Variants in PPP1R9A observed in about 807,000 individuals in gnomAD.
PPP1R9A encodes the protein protein phosphatase 1 regulatory subunit 9A, also known as neurabin-1.
PPP1R9A carries 59 observed loss-of-function variants against 141.9 expected under a neutral mutation model. The ratio of observed to expected loss-of-function variants is 0.42; its 90% CI spans 0.34 to 0.52. The LOEUF (loss-of-function observed/expected upper bound fraction) is 0.52. Among genes scored for constraint, PPP1R9A ranks in the 20% least tolerant of loss-of-function variants. The pLI is 0.10. For missense variants in PPP1R9A, 1,444 were observed against 1,611.9 expected, an observed-to-expected ratio of 0.90 and a Z score of 1.78; for synonymous variants, 500 against 569.7, an observed-to-expected ratio of 0.88 and a Z score of 1.74.
chr7:95,072,923 TA>T (rs1418822274), intron 2 of PPP1R9A, among the ~76,000 whole-genome samples: 3 of 125,452 alleles, frequency 2.4e-5, no homozygotes, highest in African/African-American at 9.2e-5. Context: ...ATATATTATA[TA>T]TTGCATATAT....
At position 95,294,294 on chromosome 7, in the gene PPP1R9A, T is replaced by TTC. The variant is rs1437583098; in HGVS notation, c.*3993_*3994dup. 1 of 148,966 alleles carries TTC rather than the reference T, an allele frequency of 6.7e-6. No individual in the cohort carries two copies. The highest frequency in any genetic ancestry group is 1.5e-5 in the Non-Finnish European group (1 of 67,434). 9.2% of individuals were successfully genotyped at this position (148,966 alleles called of 1,614,324 possible). ...TTTTCTTTTCTTTTTTTTTTTTTTTTTCTGTCATCTGTCACCCAGACTGGA... is the reference window on the plus strand; with the variant it reads ...TTTTCTTTTCTTTTTTTTTTTTTTTTTCTCTGTCATCTGTCACCCAGACTGGA... On this transcript the variant is annotated 3_prime_UTR_variant, in exon 20 of 20. Coordinates refer to ENST00000433360, the MANE Select transcript of PPP1R9A (RefSeq NM_001166160.2).
intron 2 of PPP1R9A, among the ~76,000 whole-genome samples, chr7:95,079,116 T>A (rs1480685149): frequency 6.6e-6 from 1 of 152,222 alleles, no homozygotes. Context: ...TGGTTTTAGG[T>A]CTAACGTTTA....
At chr7:95,181,781 A>ACATATATATAGAATATATATATATTCCAT (rs1833889650) in intron 5 of PPP1R9A, among the ~76,000 whole-genome samples, 1 of 138,710 alleles carries the variant, frequency 7.2e-6, no homozygotes, top group African/African-American at 2.8e-5. Flanking sequence ...ATATTCCGTC[A>ACATATATATAGAATATATATATATTCCAT]CATATATATA....
intron 1 of PPP1R9A, 113 bp from the exon 2 acceptor site, chr7:94,909,785 C>A: frequency 6.1e-6 from 1 of 162,886 alleles, no homozygotes; most frequent in Non-Finnish European, 1.3e-5. Flanking sequence ...AATGAGTAAT[C>A]TCTTCTGTTT....
At chr7:95,125,003 C>T (rs980233139) in intron 4 of PPP1R9A, among the ~76,000 whole-genome samples, 1 of 152,098 alleles carries the variant, frequency 6.6e-6, no homozygotes. Flanking sequence ...TTTGACCCTT[C>T]CTTATTCTTT....
intron 7 of PPP1R9A, among the ~76,000 whole-genome samples, chr7:95,209,674 T>A (rs1414114319): frequency 6.6e-6 from 1 of 152,204 alleles, no homozygotes; most frequent in African/African-American, 2.4e-5. Context: ...CCAATGACAT[T>A]TGTGTTGGTT....
At chr7:94,959,757 A>G (rs1484684888) in intron 2 of PPP1R9A, among the ~76,000 whole-genome samples, 2 of 151,858 alleles carry the variant, frequency 1.3e-5, no homozygotes, top group East Asian at 3.9e-4. Context: ...CTAATAGGTC[A>G]TATTCTCTTA....
At chr7:94,937,066 C>A (rs945065700) in intron 2 of PPP1R9A, among the ~76,000 whole-genome samples, 2 of 151,988 alleles carry the variant, frequency 1.3e-5, no homozygotes, top group African/African-American at 4.8e-5. Flanking sequence ...TATAAATGTG[C>A]CCTAACTTAT....
chr7:94,933,640 A>G lies in PPP1R9A; in HGVS notation c.1395+22132A>G, dbSNP rs186074396. 2.0e-5 allele frequency among the ~76,000 whole-genome samples: 3 copies of G among 152,210 alleles called. No individual in the cohort carries two copies. The South Asian group carries it at 6.2e-4, about 32-fold the overall frequency. ...GGGACATTATCATTTTGATGATGAT[A>G]ATAAAATAGATAACATTCACCATAC... On this transcript the variant is annotated intron_variant, in intron 2 of 19. Coordinates refer to ENST00000433360, the MANE Select transcript of PPP1R9A (RefSeq NM_001166160.2).
At chr7:95,146,004 G>A (rs186378612) in intron 4 of PPP1R9A, among the ~76,000 whole-genome samples, 1 of 152,016 alleles carries the variant, frequency 6.6e-6, no homozygotes, top group Admixed American at 6.6e-5. Flanking sequence ...ATATCCTTTG[G>A]GTATATACCA....
rs1799089578 is a variant in PPP1R9A, at chr7:95,252,892, A to G, written c.2665+762A>G. Among the ~76,000 whole-genome samples, 3 of 152,306 alleles carry G rather than the reference A, an allele frequency of 2.0e-5. No homozygotes were observed. The South Asian group carries it at 6.2e-4, about 32-fold the overall frequency. ...GTCCATATAGTTTTGTGCTTTTACC[A>G]TGGTGTACTGTGTATACTTCTTAGG... On this transcript the variant is annotated intron_variant, in intron 12 of 19. Transcript: ENST00000433360.
rs567905917 is a variant in PPP1R9A, at chr7:95,046,248, T to G, written c.1396-65011T>G. 5.5e-4 allele frequency among the ~76,000 whole-genome samples: 83 copies of G among 152,200 alleles called. 1 individual carries two copies. Among genetic ancestry groups the G allele is most frequent in the African/African-American group, 1.9e-3 (80 of 41,534 alleles). On this transcript the variant is annotated intron_variant, in intron 2 of 19. Transcript: ENST00000433360. ...AGTATGTGCCACCACGCCTGGCTAA[T>G]TTTTGTATTTTTAGTACAGATGGGG... is the stretch of plus-strand genomic sequence containing the variant.
intron 2 of PPP1R9A, among the ~76,000 whole-genome samples, chr7:95,042,839 AT>A (rs1329359544): frequency 1.3e-5 from 2 of 152,132 alleles, no homozygotes; most frequent in African/African-American, 4.8e-5. Context: ...TAATCCACAC[AT>A]TGAAATAAAC....
At chr7:95,182,624 T>C (rs1834024804) in intron 5 of PPP1R9A, among the ~76,000 whole-genome samples, 1 of 152,212 alleles carries the variant, frequency 6.6e-6, no homozygotes, top group Non-Finnish European at 1.5e-5. Context: ...AAGTGTTATA[T>C]GCAGTGGAGG....
At chr7:95,215,897 A>G (rs1793290510) in intron 7 of PPP1R9A, among the ~76,000 whole-genome samples, 1 of 152,160 alleles carries the variant, frequency 6.6e-6, no homozygotes, top group Non-Finnish European at 1.5e-5. Flanking sequence ...AGTAGATTGC[A>G]AAAATTTTCT....
chr7:95,099,517 T>G (rs1196686481), intron 2 of PPP1R9A, among the ~76,000 whole-genome samples: 1 of 152,214 alleles, frequency 6.6e-6, no homozygotes, highest in Non-Finnish European at 1.5e-5. Flanking sequence ...AATTTCCCAG[T>G]TCTCTGTTAA....
intron 7 of PPP1R9A, among the ~76,000 whole-genome samples, chr7:95,218,898 C>T (rs1427858077): frequency 2.0e-5 from 3 of 152,170 alleles, no homozygotes; most frequent in African/African-American, 7.2e-5. Flanking sequence ...ATACAGCACA[C>T]TGATGGGTCT....
chr7:94,954,926 A>G (rs944606050), intron 2 of PPP1R9A, among the ~76,000 whole-genome samples: 62 of 151,778 alleles, frequency 4.1e-4, no homozygotes, highest in African/African-American at 1.4e-3. Context: ...GTCTACAGTT[A>G]TTCAATATTC....
intron 2 of PPP1R9A, among the ~76,000 whole-genome samples, chr7:94,941,832 A>G (rs953951976): frequency 6.6e-5 from 10 of 152,062 alleles, no homozygotes; most frequent in African/African-American, 2.4e-4. Context: ...TAGACAAGAG[A>G]ATGAAAAAAA....
Sources: gnomAD v4.1 joint callset for allele counts (sites outside exome capture counted in the v4.1 genomes callset) on GRCh38, gnomAD v4.1.1 for gene constraint, MANE v1.5 for transcripts, NCBI Gene and HGNC (gene_info 2026-07-23, HGNC 2026-07-21) for gene names.